RFWD3: variants seen among roughly 807,000 people sequenced by gnomAD.
The protein encoded by RFWD3 is E3 ubiquitin-protein ligase RFWD3.
Under a neutral mutation model 87.7 loss-of-function variants are expected in RFWD3, and 65 were observed. The observed-to-expected ratio is 0.74, with a 90% CI of 0.61 to 0.91. The LOEUF is 0.91. Ranked by LOEUF, RFWD3 falls within the 40% of genes least tolerant of loss-of-function variation. RFWD3 has a pLI of 0.00. For missense variants in RFWD3, 1,078 were observed against 938.5 expected, an observed-to-expected ratio of 1.15 and a Z score of -1.94; for synonymous variants, 433 against 352.8, an observed-to-expected ratio of 1.23 and a Z score of -2.55.
intron 10 of RFWD3, among the ~76,000 whole-genome samples, chr16:74,630,499 G>A (rs1307289988): frequency 6.6e-6 from 1 of 152,200 alleles, no homozygotes; most frequent in Non-Finnish European, 1.5e-5. Context: ...TCTAAGTAGT[G>A]GAGCTGGGTT....
chr16:74,655,934 G>C (rs2144305436), intron 2 of RFWD3, among the ~76,000 whole-genome samples: 1 of 152,168 alleles, frequency 6.6e-6, no homozygotes, highest in South Asian at 2.1e-4. Context: ...TCAGAAAAAA[G>C]GATTCCTTTA....
chr16:74,654,480 C>T (rs922540355), intron 2 of RFWD3, among the ~76,000 whole-genome samples: 1 of 152,108 alleles, frequency 6.6e-6, no homozygotes, highest in Admixed American at 6.6e-5. Context: ...GTTGACTGCT[C>T]CACCCACCAG....
rs982507040 is a variant in RFWD3, at chr16:74,658,135, T to C, written c.518+2797A>G. Among the ~76,000 whole-genome samples the C allele has an allele frequency of 9.2e-5, 14 of 152,208 alleles. 1 individual carries two copies. The highest frequency in any genetic ancestry group is 2.9e-5 in the Non-Finnish European group (2 of 68,028). ...TTTAGAACCCAAGAAATTCTCCTCC[T>C]TCCCTGCACTTACCAACTTTGAATT... On this transcript the variant is annotated intron_variant, in intron 2 of 12. Transcript: ENST00000361070.
chr16:74,651,510 T>C (rs1212928708), intron 3 of RFWD3, among the ~76,000 whole-genome samples: 6 of 151,952 alleles, frequency 3.9e-5, no homozygotes, highest in Non-Finnish European at 8.8e-5. Flanking sequence ...TCCCAGTTAG[T>C]GGGGAGGCTG....
At chr16:74,639,035 ACTTT>A (rs1959396571) in intron 6 of RFWD3, among the ~76,000 whole-genome samples, 1 of 126,304 alleles carries the variant, frequency 7.9e-6, no homozygotes, top group Non-Finnish European at 1.6e-5. Context: ...TTGAGCTAAG[ACTTT>A]TTTTTTTTTT....
At chr16:74,644,088 T>C (rs994591443) in intron 6 of RFWD3, 1 of 498,422 alleles carries the variant, frequency 2.0e-6, no homozygotes, top group Non-Finnish European at 3.6e-6. Flanking sequence ...CGGGGGGTGG[T>C]CAGGGATATG....
At chr16:74,659,675 G>T (rs994278554) in intron 2 of RFWD3, among the ~76,000 whole-genome samples, 2 of 152,060 alleles carry the variant, frequency 1.3e-5, no homozygotes, top group Non-Finnish European at 2.9e-5. Context: ...ATCCTTGATG[G>T]GCACTACAGA....
chr16:74,625,201 A>AC (rs1326004859), intron 12 of RFWD3, among the ~76,000 whole-genome samples: 2 of 146,176 alleles, frequency 1.4e-5, no homozygotes, highest in African/African-American at 5.0e-5. Flanking sequence ...CCCTGTCTCA[A>AC]AAAAAAAAAA....
At chr16:74,660,436 G>C (rs1279672920) in intron 2 of RFWD3, among the ~76,000 whole-genome samples, 1 of 152,210 alleles carries the variant, frequency 6.6e-6, no homozygotes, top group Non-Finnish European at 1.5e-5. Flanking sequence ...CTGGACGACA[G>C]AGTGAGACGC....
rs535254738 is a variant in RFWD3 at position 74,644,420 on chromosome 16, C to T, written c.1021G>A (p.Val341Ile). ...GCTCTCAGGGTTCGGGCATAAAGGA[C>T]GACAATGTCACTGTGCCTGGCTTTC... The part of the protein sequence containing the change: ...NKKARHSDIV[V>I]LYARTLRALD... Residue 341 changes from valine to isoleucine, a missense_variant, in exon 6 of 13, where the codon GTC becomes ATC. Transcript: ENST00000361070. The T allele has an allele frequency of 4.3e-5, 70 of 1,614,174 alleles. 1 individual carries two copies. Among genetic ancestry groups the T allele is most frequent in the South Asian group, 2.1e-4 (19 of 91,082 alleles).
chr16:74,661,406 T>C lies in RFWD3; in HGVS notation c.44A>G (p.Asn15Ser), dbSNP rs1381403610. 6.2e-7 allele frequency: 1 copy of C among 1,613,890 alleles called. No homozygotes were observed. Among genetic ancestry groups the C allele is most frequent in the Non-Finnish European group, 8.5e-7 (1 of 1,179,942 alleles). ...AGGAGCTGGCTGTTGTTCGGCATGATTTAACTGCACCTGAACATCATATTC... is the reference window on the plus strand; with the variant it reads ...AGGAGCTGGCTGTTGTTCGGCATGACTTAACTGCACCTGAACATCATATTC... ...AMEYDVQVQL[N>S]HAEQQPAPAG... is the part of the protein sequence containing the mutation. The change falls in exon 2 of 13, where the codon AAT (asparagine) becomes AGT (serine). Residue 15 changes from asparagine (N) to serine (S), a missense_variant. Transcript: ENST00000361070.
At chr16:74,626,698 G>T in intron 11 of RFWD3, 144 bp from the exon 12 acceptor site, 1 of 635,998 alleles carries the variant, frequency 1.6e-6, no homozygotes, top group Non-Finnish European at 2.7e-6. Flanking sequence ...CAAAACAAAT[G>T]AAAGAACAAT....
chr16:74,630,305 G>A (rs1416654208), intron 10 of RFWD3, among the ~76,000 whole-genome samples: 1 of 152,128 alleles, frequency 6.6e-6, no homozygotes, highest in Non-Finnish European at 1.5e-5. Context: ...TTACCACGTT[G>A]GTCAGGCTGG....
chr16:74,625,634 G>A (rs1327863740), intron 12 of RFWD3, among the ~76,000 whole-genome samples: 4 of 152,028 alleles, frequency 2.6e-5, no homozygotes, highest in African/African-American at 2.4e-5. Context: ...CCCACAACCC[G>A]GACTTGTGTA....
intron 7 of RFWD3, 123 bp downstream of exon 7, chr16:74,637,733 G>A: frequency 1.5e-6 from 1 of 660,464 alleles, no homozygotes; most frequent in South Asian, 1.8e-5. Flanking sequence ...TAAGGAGTTG[G>A]TCATGTTCAT....
At chr16:74,642,525 G>A (rs191990744) in intron 6 of RFWD3, among the ~76,000 whole-genome samples, 193 of 151,716 alleles carry the variant, frequency 1.3e-3, no homozygotes, top group African/African-American at 3.5e-3. Context: ...TTTTGAGACA[G>A]GTTCTTACTC....
At position 74,636,389 on chromosome 16, in the gene RFWD3, G is replaced by A. The variant is rs749510295; in HGVS notation, c.1383C>T (p.Cys461=). ...RIMAYCDALS[C]LVISQPSPQA... The stretch of plus-strand genomic sequence containing the variant: ...GAGGAGAAGGCTGTGATATCACCAG[G>A]CAGCTCAGAGCATCACAGTATGCCA... Residue 461 remains cysteine (C), a synonymous_variant, in exon 8 of 13, where the codon TGC becomes TGT. Transcript: ENST00000361070. 3 of 1,614,170 alleles carry A rather than the reference G, an allele frequency of 1.9e-6. No homozygotes were observed. Among genetic ancestry groups the A allele is most frequent in the Non-Finnish European group, 2.5e-6 (3 of 1,180,024 alleles).
At chr16:74,635,153 G>A (rs959355347) in intron 8 of RFWD3, among the ~76,000 whole-genome samples, 4 of 152,018 alleles carry the variant, frequency 2.6e-5, no homozygotes, top group Non-Finnish European at 5.9e-5. Flanking sequence ...GGTGGCGGGC[G>A]CCTGTAGTCC....
Position 74,632,561 on chromosome 16 carries a change from T to C in RFWD3, c.1539A>G (p.Leu513=). The change falls in exon 9 of 13, where the codon CTA becomes CTG. Residue 513 remains leucine, a synonymous_variant. Coordinates refer to ENST00000361070, the MANE Select transcript of RFWD3 (RefSeq NM_018124.4). ...LAFSSYLRGL[L]LSASLDNTIK... ...TAGTGTTGTCTAGGGAAGCAGAGAG[T>C]AGCAAGCCTCTGAGGTAACTGCTAA... is the stretch of plus-strand genomic sequence containing the variant. 1 of 1,613,896 alleles carries C rather than the reference T, an allele frequency of 6.2e-7. No individual in the cohort carries two copies.
Sources: allele counts gnomAD v4.1 joint callset (sites outside exome capture counted in the v4.1 genomes callset), GRCh38; gene constraint gnomAD v4.1.1; transcripts MANE v1.5; gene names NCBI Gene and HGNC (gene_info 2026-07-23, HGNC 2026-07-21).